FSTL5: variants seen among roughly 807,000 people sequenced by gnomAD.
FSTL5 encodes follistatin like 5.
Under a neutral mutation model 89.1 loss-of-function variants are expected in FSTL5, and 62 were observed. The observed-to-expected ratio is 0.70, with a 90% CI of 0.57 to 0.86. The LOEUF (loss-of-function observed/expected upper bound fraction) is 0.86, where lower values mean the gene tolerates loss of function less well. Ranked by LOEUF, FSTL5 falls within the 40% of genes least tolerant of loss-of-function variation. FSTL5 has a pLI of 0.00. For synonymous variants in FSTL5, 383 were observed against 346.2 expected, an observed-to-expected ratio of 1.11 and a Z score of -1.18; for missense variants, 1,057 against 1,001.6, an observed-to-expected ratio of 1.06 and a Z score of -0.75.
intron 3 of FSTL5, among the ~76,000 whole-genome samples, chr4:161,921,671 T>C (rs955849256): frequency 5.3e-5 from 8 of 152,086 alleles, no homozygotes; most frequent in Non-Finnish European, 1.2e-4. Context: ...CAGCTGTTTG[T>C]TTAAACCATC....
At chr4:161,900,788 G>A (rs993438845) in intron 4 of FSTL5, among the ~76,000 whole-genome samples, 3 of 151,880 alleles carry the variant, frequency 2.0e-5, no homozygotes, top group Non-Finnish European at 2.9e-5. Flanking sequence ...TAGAAGGGTG[G>A]TACTTGTTTG....
Position 161,784,179 on chromosome 4 carries a change from T to A in FSTL5, c.410-8105A>T, listed in dbSNP as rs183703744. Among the ~76,000 whole-genome samples, 617 of 151,776 alleles carry A rather than the reference T, an allele frequency of 4.1e-3. 6 individuals are homozygous for A. Among genetic ancestry groups the A allele is most frequent in the African/African-American group, 0.014 (594 of 41,386 alleles). On this transcript the variant is annotated intron_variant, in intron 4 of 15. Transcript: ENST00000306100. Reference sequence around the variant, plus strand: ...TCGAACTCCTGGCCTCAAGTGATCCTCCCCACTCAGCCTCCCAAAGTGCTT... The same window carrying A: ...TCGAACTCCTGGCCTCAAGTGATCCACCCCACTCAGCCTCCCAAAGTGCTT...
intron 3 of FSTL5, among the ~76,000 whole-genome samples, chr4:161,954,159 T>G (rs2110961142): frequency 6.6e-6 from 1 of 151,734 alleles, no homozygotes; most frequent in Admixed American, 6.6e-5. Context: ...TCCAATTTTT[T>G]AAAGGATTTA....
chr4:161,416,954 C>T (rs79581410), intron 15 of FSTL5, among the ~76,000 whole-genome samples: 2,336 of 152,002 alleles, frequency 0.015, 54 homozygotes, highest in African/African-American at 0.053. Context: ...CTCATCTCTA[C>T]CTATCTCTTT....
chr4:161,656,435 C>A lies in FSTL5; in HGVS notation c.787G>T (p.Gly263Ter). Residue 263 changes from glycine (G) to a stop codon, truncating the protein, a stop_gained, in exon 7 of 16, where the codon GGA becomes TGA. Coordinates refer to ENST00000306100, the MANE Select transcript of FSTL5 (RefSeq NM_020116.5). LOFTEE classifies it high-confidence loss of function. The part of the protein sequence containing the change: ...QKLSITAATV[G>*]QSAVLSCAIQ... ...GCACAGCTCAGAACAGCACTTTGTCCCACAGTTGCTGCAGTGATGCTTAGT... is the reference window on the plus strand; with the variant it reads ...GCACAGCTCAGAACAGCACTTTGTCACACAGTTGCTGCAGTGATGCTTAGT... The A allele has an allele frequency of 6.2e-7, 1 of 1,609,740 alleles. No individual in the cohort carries two copies. The highest frequency in any genetic ancestry group is 8.5e-7 in the Non-Finnish European group (1 of 1,177,778).
At chr4:161,973,452 T>C (rs1312161150) in intron 3 of FSTL5, among the ~76,000 whole-genome samples, 3 of 152,194 alleles carry the variant, frequency 2.0e-5, no homozygotes, top group African/African-American at 7.2e-5. Flanking sequence ...GATTGGACAA[T>C]TGAAATCAAC....
intron 11 of FSTL5, among the ~76,000 whole-genome samples, chr4:161,503,286 C>T (rs1730364389): frequency 6.6e-6 from 1 of 151,694 alleles, no homozygotes; most frequent in Admixed American, 6.6e-5. Flanking sequence ...TTCATTATAA[C>T]ACTACTGAAA....
rs79872613 is a variant in FSTL5 at position 161,463,924 on chromosome 4, T to C, written c.1609-4605A>G. ...ATCCCCATGAACACAGTCACCATTATCATTATCACATGGTGTCTAACTTCT... is the reference window on the plus strand; with the variant it reads ...ATCCCCATGAACACAGTCACCATTACCATTATCACATGGTGTCTAACTTCT... On this transcript the variant is annotated intron_variant, in intron 13 of 15. Transcript: ENST00000306100. 3.6e-3 allele frequency among the ~76,000 whole-genome samples: 551 copies of C among 152,308 alleles called. 3 individuals are homozygous for C. Among genetic ancestry groups the C allele is most frequent in the African/African-American group, 0.012 (501 of 41,572 alleles).
Position 162,102,200 on chromosome 4 carries a change from GA to G in FSTL5, c.126+9070del, listed in dbSNP as rs1027114568. Reference sequence around the variant, plus strand: ...GTAAAAAGACTTTGGAAGTCCAACAGAAAAAAAAAATAAACAGTAGCCTGCT... The same window carrying G: ...GTAAAAAGACTTTGGAAGTCCAACAGAAAAAAAAATAAACAGTAGCCTGCT... On this transcript the variant is annotated intron_variant, in intron 2 of 15. Coordinates refer to ENST00000306100, the MANE Select transcript of FSTL5 (RefSeq NM_020116.5). Among the ~76,000 whole-genome samples the G allele has an allele frequency of 1.2e-3, 171 of 147,010 alleles. 1 individual carries two copies. The highest frequency in any genetic ancestry group is 4.0e-3 in the African/African-American group (160 of 40,244).
Position 161,764,650 on chromosome 4 carries a change from A to G in FSTL5, c.607-5119T>C, listed in dbSNP as rs575753838. 2.6e-5 allele frequency among the ~76,000 whole-genome samples: 4 copies of G among 152,314 alleles called. No homozygotes were observed. The East Asian group carries it at 7.7e-4, about 29-fold the overall frequency. On this transcript the variant is annotated intron_variant, in intron 5 of 15. Transcript: ENST00000306100. Reference sequence around the variant, plus strand: ...CTAATATAACATTTAAAAAAAATCAATATAGCCAACTTTAATTTTTTTGAA... The same window carrying G: ...CTAATATAACATTTAAAAAAAATCAGTATAGCCAACTTTAATTTTTTTGAA...
At chr4:161,643,875 TTGAACAA>T (rs74386369) in intron 7 of FSTL5, among the ~76,000 whole-genome samples, 31,204 of 151,890 alleles carry the variant, frequency 0.21, 3,860 homozygotes, top group Non-Finnish European at 0.26. Context: ...TCCAGAAAAA[TTGAACAA>T]TGCATAACTG....
chr4:162,104,738 C>T (rs937225308), intron 2 of FSTL5, among the ~76,000 whole-genome samples: 3 of 152,140 alleles, frequency 2.0e-5, no homozygotes, highest in Admixed American at 6.5e-5. Flanking sequence ...TATCACTACT[C>T]ATGAAACTAT....
At chr4:161,665,941 G>A (rs896080962) in intron 6 of FSTL5, among the ~76,000 whole-genome samples, 2 of 152,012 alleles carry the variant, frequency 1.3e-5, no homozygotes, top group Non-Finnish European at 2.9e-5. Flanking sequence ...AGTAAACTTT[G>A]ATAGTTCAAG....
rs111473201 is a variant in FSTL5 at position 162,124,604 on chromosome 4, C to G, written c.-16-13192G>C. ...ATGAGATAATCTATTGAAAAATGAG[C>G]CCTTGAACAGCCAGAGAGCAGCCAA... On this transcript the variant is annotated intron_variant, in intron 1 of 15. Coordinates refer to ENST00000306100, the MANE Select transcript of FSTL5 (RefSeq NM_020116.5). Among the ~76,000 whole-genome samples the G allele has an allele frequency of 5.9e-3, 893 of 152,234 alleles. 6 individuals are homozygous for G. The highest frequency in any genetic ancestry group is 0.021 in the African/African-American group (854 of 41,550).
At chr4:161,998,853 AC>A (rs1312615372) in intron 3 of FSTL5, among the ~76,000 whole-genome samples, 9 of 90,468 alleles carry the variant, frequency 9.9e-5, no homozygotes, top group African/African-American at 3.6e-4. Context: ...TTAAACACAC[AC>A]ACAACACACA....
chr4:161,765,464 A>T (rs1740961020), intron 5 of FSTL5, among the ~76,000 whole-genome samples: 1 of 152,230 alleles, frequency 6.6e-6, no homozygotes, highest in African/African-American at 2.4e-5. Flanking sequence ...TATAATTGTG[A>T]AAGAGTTTAT....
Position 162,069,912 on chromosome 4 carries a change from G to T in FSTL5, c.127-36254C>A, listed in dbSNP as rs559093401. Among the ~76,000 whole-genome samples the T allele has an allele frequency of 3.3e-5, 5 of 151,940 alleles. No individual in the cohort carries two copies. In the South Asian group the frequency reaches 1.0e-3, roughly 32 times the overall value. The stretch of plus-strand genomic sequence containing the variant: ...TTTCTTTGAGTCAATACCTAGTAGA[G>T]GATTGATGAATCATATCATATTCCT... On this transcript the variant is annotated intron_variant, in intron 2 of 15. Transcript: ENST00000306100.
chr4:161,985,271 C>T (rs1316283284), intron 3 of FSTL5, among the ~76,000 whole-genome samples: 4 of 152,086 alleles, frequency 2.6e-5, no homozygotes, highest in Non-Finnish European at 5.9e-5. Flanking sequence ...ATTCTTCAGT[C>T]TCACTATTGA....
At chr4:161,576,894 C>T (rs1399001840) in intron 8 of FSTL5, among the ~76,000 whole-genome samples, 1 of 152,182 alleles carries the variant, frequency 6.6e-6, no homozygotes, top group African/African-American at 2.4e-5. Flanking sequence ...TAATATTGAG[C>T]TTCAATTACT....
Sources: gnomAD v4.1 joint callset for allele counts (sites outside exome capture counted in the v4.1 genomes callset) on GRCh38, gnomAD v4.1.1 for gene constraint, MANE v1.5 for transcripts, NCBI Gene and HGNC (gene_info 2026-07-23, HGNC 2026-07-21) for gene names.